FSD1L: variants seen among roughly 807,000 people sequenced by gnomAD.
FSD1L encodes FSD1-like protein.
Under a neutral mutation model 71.6 loss-of-function variants are expected in FSD1L, and 45 were observed. That is an observed-to-expected ratio of 0.63 (90% CI 0.49 to 0.81). The LOEUF (loss-of-function observed/expected upper bound fraction) is 0.81, where lower values mean the gene tolerates loss of function less well. FSD1L is among the 30% of genes least tolerant of loss of function. FSD1L has a pLI of 0.00. For missense variants in FSD1L, 561 were observed against 618.1 expected (o/e 0.91, Z 0.98); for synonymous variants, 197 against 207.2 (o/e 0.95, Z 0.42).
chr9:105,509,580 G>A (rs1259782580), intron 9 of FSD1L, among the ~76,000 whole-genome samples: 4 of 152,118 alleles, frequency 2.6e-5, no homozygotes, highest in African/African-American at 9.7e-5. Flanking sequence ...AGTTCATATA[G>A]CATTTGAATA....
chr9:105,496,202 C>CTTTT lies in FSD1L; in HGVS notation c.587-10181_587-10178dup, dbSNP rs542818608. On this transcript the variant is annotated intron_variant, in intron 7 of 13. Coordinates refer to ENST00000481272, the MANE Select transcript of FSD1L (RefSeq NM_001145313.3). The stretch of plus-strand genomic sequence containing the variant: ...CAGTACCAGGTCTTGATGACTGTAG[C>CTTTT]TTTTTTTTTTTTTTTTTTTGTGTCG... Among the ~76,000 whole-genome samples, 18 of 113,246 alleles carry CTTTT rather than the reference C, an allele frequency of 1.6e-4. 1 individual carries two copies. The highest frequency in any genetic ancestry group is 2.6e-4 in the East Asian group (1 of 3,808). 74.3% of individuals were successfully genotyped at this position (113,246 alleles called of 152,430 possible).
At chr9:105,486,090 C>G (rs1832533471) in intron 7 of FSD1L, among the ~76,000 whole-genome samples, 1 of 150,172 alleles carries the variant, frequency 6.7e-6, no homozygotes, top group Admixed American at 6.6e-5. Context: ...GGGGGTAGCA[C>G]AAGTGAAATA....
At chr9:105,443,787 A>C (rs539624165), upstream of FSD1L, among the ~76,000 whole-genome samples, 20 of 152,292 alleles carry the variant, frequency 1.3e-4, no homozygotes, top group South Asian at 3.7e-3. Flanking sequence ...AATCAGAATT[A>C]GGTTTCTATG....
At chr9:105,498,847 C>A (rs1385083167) in intron 7 of FSD1L, among the ~76,000 whole-genome samples, 2 of 152,148 alleles carry the variant, frequency 1.3e-5, no homozygotes, top group Non-Finnish European at 2.9e-5. Context: ...TGGTCTTGAA[C>A]TCCTCATCTC....
intron 1 of FSD1L, among the ~76,000 whole-genome samples, chr9:105,452,434 G>A (rs1448689271): frequency 6.6e-6 from 1 of 152,202 alleles, no homozygotes; most frequent in African/African-American, 2.4e-5. Context: ...CAGTCACACA[G>A]CTAGCAAATA....
chr9:105,523,005 C>A, intron 10 of FSD1L: 1 of 1,614,114 alleles, frequency 6.2e-7, no homozygotes, highest in Non-Finnish European at 8.5e-7. Flanking sequence ...CAGCGCTTTC[C>A]AATATGATGG....
intron 10 of FSD1L, among the ~76,000 whole-genome samples, chr9:105,528,649 T>TA (rs1408497222): frequency 6.6e-6 from 1 of 152,144 alleles, no homozygotes; most frequent in African/African-American, 2.4e-5. Flanking sequence ...ATTAAAGACT[T>TA]AAAGATAAGA....
intron 10 of FSD1L, chr9:105,530,783 C>A: frequency 1.9e-6 from 1 of 518,522 alleles, no homozygotes; most frequent in South Asian, 2.8e-5. Context: ...TGATTTATTA[C>A]AAAATGCCAA....
chr9:105,464,494 G>A (rs549658944), intron 3 of FSD1L, among the ~76,000 whole-genome samples, 163 bp downstream of exon 3: 2 of 152,212 alleles, frequency 1.3e-5, no homozygotes, highest in Admixed American at 1.3e-4. Flanking sequence ...TTCCTGTTTT[G>A]TCCATGGAAA....
intron 8 of FSD1L, among the ~76,000 whole-genome samples, chr9:105,507,167 G>A (rs1298315610): frequency 6.6e-6 from 1 of 152,174 alleles, no homozygotes; most frequent in Non-Finnish European, 1.5e-5. Context: ...CCATTTCACT[G>A]ATAATGTAAA....
At position 105,506,601 on chromosome 9, in the gene FSD1L, A is replaced by C. The variant is rs1834065320; in HGVS notation, c.789A>C (p.Thr263=). ...ATAATATTAAGGGTACTGAATATACACTATCAGGTAACATGACTGCATTTT... is the reference window on the plus strand; with the variant it reads ...ATAATATTAAGGGTACTGAATATACCCTATCAGGTAACATGACTGCATTTT... ...IIDNIKGTEY[T]LSGLKFDSKY... Residue 263 remains threonine (T), a synonymous_variant, in exon 8 of 14, where the codon ACA becomes ACC. Transcript: ENST00000481272. 1 of 1,533,602 alleles carries C rather than the reference A, an allele frequency of 6.5e-7. No homozygotes were observed. The highest frequency in any genetic ancestry group is 1.2e-5 in the South Asian group (1 of 83,588). The allele number at this position is 1,533,602 out of a possible 1,614,324, so 95.0% of individuals were successfully genotyped here. A position where few individuals can be genotyped will look rare whatever the true frequency, so the allele number is the denominator to read the frequency against.
In FSD1L at chr9:105,539,294, A is replaced by G. The variant is rs547370020; in HGVS notation, c.1410A>G (p.Lys470=). 95 of 1,506,578 alleles carry G rather than the reference A, an allele frequency of 6.3e-5. No homozygotes were observed. The highest frequency in any genetic ancestry group is 8.0e-5 in the Non-Finnish European group (89 of 1,119,216). The allele number at this position is 1,506,578 out of a possible 1,614,324, so 93.3% of individuals were successfully genotyped here. A position where few individuals can be genotyped will look rare whatever the true frequency, so the allele number is the denominator to read the frequency against. The change falls in exon 13 of 14, where the codon AAA becomes AAG. Residue 470 remains lysine (K), a synonymous_variant. Coordinates refer to ENST00000481272, the MANE Select transcript of FSD1L (RefSeq NM_001145313.3). The part of the protein sequence containing the change: ...GQLSFYDANS[K]QLLYSFKTKF... ...TTTCATTCTATGATGCAAATTCTAA[A>G]CAGTTGCTATATTCCTTTAAGACAA...
intron 9 of FSD1L, 47 bp from the exon 10 acceptor site, chr9:105,512,760 G>A: frequency 2.7e-6 from 3 of 1,091,214 alleles, no homozygotes; most frequent in Non-Finnish European, 3.8e-6. Flanking sequence ...TCAGAAAGTG[G>A]AGATATGCTA....
At chr9:105,455,062 C>A (rs1454146551) in intron 1 of FSD1L, among the ~76,000 whole-genome samples, 1 of 152,184 alleles carries the variant, frequency 6.6e-6, no homozygotes, top group East Asian at 1.9e-4. Flanking sequence ...GATTATCTAG[C>A]TAACAGCTGG....
intron 10 of FSD1L, chr9:105,521,178 C>T (rs942240206): frequency 7.4e-6 from 12 of 1,614,090 alleles, no homozygotes; most frequent in Non-Finnish European, 1.0e-5. Flanking sequence ...CATTCGTTGG[C>T]TGGTTTCTTT....
chr9:105,514,602 A>T (rs1834590998), intron 10 of FSD1L, among the ~76,000 whole-genome samples: 1 of 152,220 alleles, frequency 6.6e-6, no homozygotes, highest in African/African-American at 2.4e-5. Context: ...AGATGCCCAG[A>T]GCTGCCAGAT....
Position 105,534,579 on chromosome 9 carries a change from C to G in FSD1L, c.1112C>G (p.Ser371Ter), listed in dbSNP as rs1836142339. ...AGTAGAGATCGTTTTACTGGAGAAT[C>G]ATACACAGTGCTGGGTAGGACAAAA... ...RGSRDRFTGE[S>*]YTVLGDTAIE... Residue 371 changes from serine to a stop codon, truncating the protein, a stop_gained, in exon 11 of 14, where the codon TCA becomes TGA. Transcript: ENST00000481272. LOFTEE classifies it high-confidence loss of function. 6.5e-7 allele frequency: 1 copy of G among 1,536,372 alleles called. No individual in the cohort carries two copies. The highest frequency in any genetic ancestry group is 8.8e-7 in the Non-Finnish European group (1 of 1,132,778).
chr9:105,521,448 A>C, intron 10 of FSD1L: 1 of 1,613,802 alleles, frequency 6.2e-7, no homozygotes. Flanking sequence ...AATAGTTCGC[A>C]GAGTTTTTTC....
At chr9:105,450,208 AC>A (rs1273108043) in intron 1 of FSD1L, among the ~76,000 whole-genome samples, 1 of 152,170 alleles carries the variant, frequency 6.6e-6, no homozygotes, top group Non-Finnish European at 1.5e-5. Context: ...ACAGTAGTAC[AC>A]CCCAGACATG....
Sources: gnomAD v4.1 joint callset for allele counts (sites outside exome capture counted in the v4.1 genomes callset) on GRCh38, gnomAD v4.1.1 for gene constraint, MANE v1.5 for transcripts, NCBI Gene and HGNC (gene_info 2026-07-23, HGNC 2026-07-21) for gene names.